The following SOCS7 variants were observed in gnomAD, a reference collection of about 807,000 sequenced individuals.
SOCS7 encodes suppressor of cytokine signaling 7, also known as NAP-4.
A neutral mutation model predicts 58.9 loss-of-function variants in SOCS7; 18 were observed. That is an observed-to-expected ratio of 0.31 (90% CI 0.21 to 0.45). The LOEUF (loss-of-function observed/expected upper bound fraction) is 0.45. SOCS7 is among the 20% of genes least tolerant of loss of function. SOCS7 has a pLI of 1.00. For synonymous variants in SOCS7, 388 were observed against 364.3 expected (o/e 1.06, Z -0.74); for missense variants, 667 against 837.3 (o/e 0.80, Z 2.51).
chr17:38,403,196 C>G lies in SOCS7; in HGVS notation c.*3714C>G, dbSNP rs1431386985. On this transcript the variant is annotated 3_prime_UTR_variant, in exon 10 of 10. Coordinates refer to ENST00000612932, the MANE Select transcript of SOCS7 (RefSeq NM_014598.4). ...AACTCCTGCATGGCTCCTGCTCCTT[C>G]CCCTTCCCTACATTTCACTTGGGCT... is the stretch of plus-strand genomic sequence containing the variant. 6.6e-6 allele frequency: 1 copy of G among 152,194 alleles called. No homozygotes were observed. Among genetic ancestry groups the G allele is most frequent in the Non-Finnish European group, 1.5e-5 (1 of 68,070 alleles). 9.4% of individuals were successfully genotyped at this position (152,194 alleles called of 1,614,324 possible). A position where few individuals can be genotyped will look rare whatever the true frequency, so the allele number is the denominator to read the frequency against.
chr17:38,366,100 A>C, intron 4 of SOCS7, 187 bp from the exon 5 acceptor site: 1 of 1,237,830 alleles, frequency 8.1e-7, no homozygotes, highest in Non-Finnish European at 1.1e-6. Context: ...CACAGCTTAC[A>C]CAAGCCCACA....
At chr17:38,393,420 T>C (rs2038202310) in intron 7 of SOCS7, among the ~76,000 whole-genome samples, 1 of 152,148 alleles carries the variant, frequency 6.6e-6, no homozygotes, top group Non-Finnish European at 1.5e-5. Flanking sequence ...GTGGATCACC[T>C]GAGGTCAGGA....
At chr17:38,392,998 G>A (rs1488715961) in intron 7 of SOCS7, among the ~76,000 whole-genome samples, 2 of 151,742 alleles carry the variant, frequency 1.3e-5, no homozygotes, top group African/African-American at 2.4e-5. Context: ...GACTAAATAA[G>A]TTATCATTAT....
chr17:38,390,877 G>A (rs1015152433), intron 7 of SOCS7, among the ~76,000 whole-genome samples: 1 of 151,856 alleles, frequency 6.6e-6, no homozygotes, highest in South Asian at 2.1e-4. Context: ...TATATTTTTA[G>A]TAGAGATGGG....
intron 7 of SOCS7, among the ~76,000 whole-genome samples, chr17:38,392,076 G>A (rs1215737963): frequency 6.6e-6 from 1 of 152,158 alleles, no homozygotes; most frequent in African/African-American, 2.4e-5. Context: ...AGTCCCAGTT[G>A]GGTCTTATCC....
At chr17:38,379,848 G>A (rs982857969) in intron 7 of SOCS7, among the ~76,000 whole-genome samples, 1 of 152,106 alleles carries the variant, frequency 6.6e-6, no homozygotes, top group Admixed American at 6.6e-5. Flanking sequence ...TTTTTGGGGG[G>A]TTTTTATTTA....
intron 1 of SOCS7, among the ~76,000 whole-genome samples, chr17:38,354,335 T>C (rs2037604094): frequency 6.6e-6 from 1 of 152,196 alleles, no homozygotes; most frequent in Non-Finnish European, 1.5e-5. Flanking sequence ...TGGGGAGCTT[T>C]TTGAAAAGCC....
chr17:38,359,083 T>C (rs1211339017), intron 1 of SOCS7, among the ~76,000 whole-genome samples: 24 of 152,244 alleles, frequency 1.6e-4, no homozygotes, highest in Admixed American at 1.6e-3. Flanking sequence ...TGTGAACCTT[T>C]TGAAAGGCCA....
At chr17:38,388,424 CAGG>C (rs954871285) in intron 7 of SOCS7, among the ~76,000 whole-genome samples, 4 of 151,900 alleles carry the variant, frequency 2.6e-5, no homozygotes, top group African/African-American at 9.7e-5. Flanking sequence ...GAGGCTGAGG[CAGG>C]AGAATTGCTT....
At chr17:38,355,882 T>C (rs1454654214) in intron 1 of SOCS7, among the ~76,000 whole-genome samples, 1 of 152,086 alleles carries the variant, frequency 6.6e-6, no homozygotes, top group Non-Finnish European at 1.5e-5. Context: ...GAGAAGTCTT[T>C]TTGTTTTGTT....
At chr17:38,377,274 T>C (rs186242289) in intron 6 of SOCS7, among the ~76,000 whole-genome samples, 141 of 152,318 alleles carry the variant, frequency 9.3e-4, no homozygotes, top group African/African-American at 3.2e-3. Flanking sequence ...ATCCCTAATC[T>C]GAAATCCAAA....
chr17:38,369,795 G>T (rs1380252398), intron 6 of SOCS7, among the ~76,000 whole-genome samples: 160 of 127,974 alleles, frequency 1.3e-3, no homozygotes, highest in African/African-American at 3.5e-3. Flanking sequence ...TTTTTTGTTT[G>T]TTTTTTTTTT....
intron 6 of SOCS7, among the ~76,000 whole-genome samples, chr17:38,370,934 C>T (rs2037855501): frequency 6.6e-6 from 1 of 152,176 alleles, no homozygotes. Flanking sequence ...CAAGCATGAG[C>T]CACGGCGCCC....
At chr17:38,397,612 C>T (rs1408877627) in intron 9 of SOCS7, among the ~76,000 whole-genome samples, 1 of 152,182 alleles carries the variant, frequency 6.6e-6, no homozygotes. Flanking sequence ...CAGAGAGGTC[C>T]AAAACTGGGA....
chr17:38,394,458 A>G (rs2038218768), intron 7 of SOCS7, among the ~76,000 whole-genome samples: 1 of 152,120 alleles, frequency 6.6e-6, no homozygotes, highest in African/African-American at 2.4e-5. Flanking sequence ...GTTAACTTTG[A>G]TCCTAGCTGT....
At chr17:38,361,907 G>C in intron 2 of SOCS7, 132 bp downstream of exon 2, 1 of 671,900 alleles carries the variant, frequency 1.5e-6, no homozygotes, top group South Asian at 1.9e-5. Context: ...TCCATGCTTA[G>C]TGGGTTTGGG....
chr17:38,354,848 T>A (rs1024883541), intron 1 of SOCS7, among the ~76,000 whole-genome samples: 15 of 152,188 alleles, frequency 9.9e-5, no homozygotes, highest in Admixed American at 7.2e-4. Context: ...AGGTGTGGCG[T>A]GAAATTAGCT....
At chr17:38,395,180 T>C (rs768799162) in intron 7 of SOCS7, 129 bp from the exon 8 acceptor site, 1 of 866,398 alleles carries the variant, frequency 1.2e-6, no homozygotes, top group Non-Finnish European at 1.7e-6. Flanking sequence ...GTGGAGGGGC[T>C]TTTGCACAGA....
At chr17:38,396,470 T>G (rs2038246758) in intron 9 of SOCS7, among the ~76,000 whole-genome samples, 1 of 152,172 alleles carries the variant, frequency 6.6e-6, no homozygotes, top group South Asian at 2.1e-4. Flanking sequence ...TGCACTTCAG[T>G]GAGACTCCAC....
Sources: allele counts gnomAD v4.1 joint callset (sites outside exome capture counted in the v4.1 genomes callset), GRCh38; gene constraint gnomAD v4.1.1; transcripts MANE v1.5; gene names NCBI Gene and HGNC (gene_info 2026-07-23, HGNC 2026-07-21).